NRP2: variants seen among roughly 807,000 people sequenced by gnomAD.
NRP2 encodes the protein neuropilin-2.
In NRP2, 52 loss-of-function variants were observed where a neutral mutation model predicts 110.4. The ratio of observed to expected loss-of-function variants is 0.47; its 90% CI spans 0.38 to 0.59. The LOEUF (loss-of-function observed/expected upper bound fraction) is 0.59, where lower values mean the gene tolerates loss of function less well. Ranked by LOEUF, NRP2 falls within the 20% of genes least tolerant of loss-of-function variation. The pLI is 0.00. For missense variants in NRP2, 1,049 were observed against 1,203.0 expected, an observed-to-expected ratio of 0.87 and a Z score of 1.89; for synonymous variants, 508 against 468.9, an observed-to-expected ratio of 1.08 and a Z score of -1.08.
At position 205,720,493 on chromosome 2, in the gene NRP2, C is replaced by A. The variant is rs1209897900; in HGVS notation, c.434-1985C>A. On this transcript the variant is annotated intron_variant, in intron 3 of 16. Transcript: ENST00000357785. ...CCCACTCCCAGGGGGGTGGACATTC[C>A]CCTTGCCTTCTAAGGGAATGACAAT... Among the ~76,000 whole-genome samples, 6 of 152,210 alleles carry A rather than the reference C, an allele frequency of 3.9e-5. 1 individual carries two copies. In the East Asian group the frequency reaches 1.2e-3, roughly 29 times the overall value.
intron 15 of NRP2, among the ~76,000 whole-genome samples, chr2:205,770,136 T>C (rs1175295695): frequency 5.3e-5 from 8 of 152,132 alleles, no homozygotes; most frequent in Non-Finnish European, 1.2e-4. Context: ...GGAAGGTGGT[T>C]GTCAGAGGGA....
At position 205,752,923 on chromosome 2, in the gene NRP2, G is replaced by C; in HGVS notation, c.1992G>C (p.Trp664Cys). 1 of 1,614,146 alleles carries C rather than the reference G, an allele frequency of 6.2e-7. No homozygotes were observed. The highest frequency in any genetic ancestry group is 8.5e-7 in the Non-Finnish European group (1 of 1,180,048). The change falls in exon 12 of 17, where the codon TGG becomes TGC. Residue 664 changes from tryptophan (W) to cysteine (C), a missense_variant. Trp to Cys is a radical substitution (Grantham distance 215). Transcript: ENST00000357785. ...GTTGGATGTATGACCATGCCAAGTGGCTCCGGACCACCTGGGCCAGCAGCT... is the reference window on the plus strand; with the variant it reads ...GTTGGATGTATGACCATGCCAAGTGCCTCCGGACCACCTGGGCCAGCAGCT... ...PCGWMYDHAKWLRTTWASSSS... is the reference protein window; with the variant it reads ...PCGWMYDHAKCLRTTWASSSS...
At chr2:205,724,758 C>T (rs1241428097) in intron 5 of NRP2, among the ~76,000 whole-genome samples, 1 of 151,198 alleles carries the variant, frequency 6.6e-6, no homozygotes, top group African/African-American at 2.4e-5. Flanking sequence ...CCTCCACCTC[C>T]CGGGTTTAAG....
rs567634769 is a variant in NRP2 at position 205,795,114 on chromosome 2, G to T, written c.*56G>T. ...CATTCCAGCAAGAGGGGCTGGGGAAGATTACATTTTTTTTTCCTTTGGAAA... is the reference window on the plus strand; with the variant it reads ...CATTCCAGCAAGAGGGGCTGGGGAATATTACATTTTTTTTTCCTTTGGAAA... On this transcript the variant is annotated 3_prime_UTR_variant, in exon 17 of 17. Coordinates refer to ENST00000357785, the MANE Select transcript of NRP2 (RefSeq NM_003872.3). The T allele has an allele frequency of 1.6e-5, 24 of 1,518,470 alleles. No homozygotes were observed. The East Asian group carries it at 3.7e-4, about 23-fold the overall frequency. The allele number at this position is 1,518,470 out of a possible 1,614,324, so 94.1% of individuals were successfully genotyped here.
chr2:205,707,923 G>A (rs2056715987), intron 2 of NRP2, among the ~76,000 whole-genome samples: 1 of 152,210 alleles, frequency 6.6e-6, no homozygotes, highest in African/African-American at 2.4e-5. Context: ...GCCCCACCGG[G>A]CACAAAGGCA....
chr2:205,720,085 TGTG>T (rs919764024), intron 3 of NRP2, among the ~76,000 whole-genome samples: 1 of 152,190 alleles, frequency 6.6e-6, no homozygotes, highest in African/African-American at 2.4e-5. Context: ...CAGCTGCTTT[TGTG>T]ATGCTGCAAA....
intron 3 of NRP2, among the ~76,000 whole-genome samples, chr2:205,717,418 C>G (rs747126898): frequency 8.5e-5 from 13 of 152,188 alleles, no homozygotes; most frequent in Admixed American, 2.6e-4. Context: ...TATATATTTT[C>G]TTTTTCACTA....
intron 15 of NRP2, among the ~76,000 whole-genome samples, chr2:205,770,304 A>G (rs1045071287): frequency 2.6e-5 from 4 of 152,120 alleles, no homozygotes; most frequent in Non-Finnish European, 4.4e-5. Context: ...AGTTCTCCAC[A>G]GTTCTCATCC....
chr2:205,727,677 A>C (rs148263531), intron 6 of NRP2, among the ~76,000 whole-genome samples: 2,025 of 152,340 alleles, frequency 0.013, 21 homozygotes, highest in Non-Finnish European at 0.021. Context: ...AAAAAGAAAA[A>C]TAACCTAACT....
rs2058345688 is a variant in NRP2, at chr2:205,795,608, T to C, written c.*550T>C. ...TCTGATTGTCTTCTGACTTAAGGGA[T>C]TTACTGTGGTGTAGGTTCTGCCAGC... On this transcript the variant is annotated 3_prime_UTR_variant, in exon 17 of 17. Coordinates refer to ENST00000357785, the MANE Select transcript of NRP2 (RefSeq NM_003872.3). 2 of 152,602 alleles carry C rather than the reference T, an allele frequency of 1.3e-5. No individual in the cohort carries two copies. The highest frequency in any genetic ancestry group is 1.3e-4 in the Admixed American group (2 of 15,280). 9.5% of individuals were successfully genotyped at this position (152,602 alleles called of 1,614,324 possible).
intron 11 of NRP2, 104 bp downstream of exon 11, chr2:205,749,945 G>C: frequency 1.1e-6 from 1 of 899,452 alleles, no homozygotes; most frequent in Non-Finnish European, 1.8e-6. Flanking sequence ...CAGAGATCCA[G>C]GGGATCTCAA....
chr2:205,753,871 A>G (rs981261867), intron 12 of NRP2, among the ~76,000 whole-genome samples: 5 of 152,258 alleles, frequency 3.3e-5, no homozygotes, highest in Non-Finnish European at 7.3e-5. Context: ...TCCATTGTGC[A>G]AATACAGTAG....
chr2:205,697,935 G>A (rs533652811), intron 2 of NRP2: 9 of 613,804 alleles, frequency 1.5e-5, no homozygotes, highest in Non-Finnish European at 2.0e-5. Context: ...GAGCCTTCTT[G>A]AGTGAAAAGT....
intron 15 of NRP2, among the ~76,000 whole-genome samples, chr2:205,790,638 T>G (rs1285447500): frequency 7.1e-6 from 1 of 141,502 alleles, no homozygotes; most frequent in Non-Finnish European, 1.5e-5. Flanking sequence ...ATGTGACGGT[T>G]TTCTTCCATG....
intron 1 of NRP2, among the ~76,000 whole-genome samples, chr2:205,688,843 C>CA (rs950560013): frequency 5.4e-4 from 71 of 131,764 alleles, no homozygotes; most frequent in African/African-American, 1.9e-3. Context: ...TGGCAAAAAA[C>CA]AAAAAAACAA....
intron 15 of NRP2, chr2:205,776,631 G>C: frequency 6.3e-7 from 1 of 1,590,408 alleles, no homozygotes; most frequent in Non-Finnish European, 8.5e-7. Flanking sequence ...TGAACTCTCA[G>C]ACATCTCTTT....
intron 15 of NRP2, among the ~76,000 whole-genome samples, chr2:205,774,354 A>G (rs2105942290): frequency 6.6e-6 from 1 of 152,312 alleles, no homozygotes; most frequent in South Asian, 2.1e-4. Context: ...TAAAAGACAG[A>G]ATTAGTTTGG....
chr2:205,691,782 A>AT lies in NRP2; in HGVS notation c.74-5761dup, dbSNP rs1378516931. On this transcript the variant is annotated intron_variant, in intron 1 of 16. Coordinates refer to ENST00000357785, the MANE Select transcript of NRP2 (RefSeq NM_003872.3). ...GAGGGCTGGAAAAGAGAGGACATAA[A>AT]TATAAACTAATGACATTATATCGGC... 3.9e-5 allele frequency among the ~76,000 whole-genome samples: 6 copies of AT among 152,366 alleles called. No homozygotes were observed. In the East Asian group the frequency reaches 1.2e-3, roughly 29 times the overall value.
At chr2:205,701,817 T>C (rs2056564535) in intron 2 of NRP2, among the ~76,000 whole-genome samples, 1 of 152,198 alleles carries the variant, frequency 6.6e-6, no homozygotes, top group South Asian at 2.1e-4. Context: ...AAGAGTTCTT[T>C]TTTAAAGGAT....
Sources: allele counts gnomAD v4.1 joint callset (sites outside exome capture counted in the v4.1 genomes callset), GRCh38; gene constraint gnomAD v4.1.1; transcripts MANE v1.5; gene names NCBI Gene and HGNC (gene_info 2026-07-23, HGNC 2026-07-21).